TSHZ3: variants seen among roughly 807,000 people sequenced by gnomAD.
The protein encoded by TSHZ3 is teashirt zinc finger homeobox 3.
Under a neutral mutation model 64.5 loss-of-function variants are expected in TSHZ3, and 10 were observed. The observed-to-expected ratio is 0.16, with a 90% CI of 0.10 to 0.26. The LOEUF (loss-of-function observed/expected upper bound fraction) is 0.26, where lower values mean the gene tolerates loss of function less well. TSHZ3 is among the 10% of genes least tolerant of loss of function. The probability of loss-of-function intolerance (pLI) is 1.00; values close to 1 mark genes in which losing one functional copy is unlikely to be tolerated. For missense variants in TSHZ3, 1,242 were observed against 1,421.7 expected (o/e 0.87, Z 2.03); for synonymous variants, 608 against 593.1 (o/e 1.03, Z -0.36).
intron 1 of TSHZ3, among the ~76,000 whole-genome samples, chr19:31,301,073 C>A (rs751195202): frequency 2.0e-4 from 30 of 152,074 alleles, no homozygotes; most frequent in Non-Finnish European, 4.0e-4. Flanking sequence ...TTTTTCATTA[C>A]CATTAGCAAA....
intron 3 of TSHZ3, among the ~76,000 whole-genome samples, chr19:31,241,789 TC>T (rs1023457289): frequency 1.2e-4 from 19 of 152,344 alleles, no homozygotes; most frequent in African/African-American, 4.3e-4. Context: ...CACATGAGCT[TC>T]CCTTCTCTCT....
intron 3 of TSHZ3, among the ~76,000 whole-genome samples, chr19:31,238,731 G>A (rs1157719076): frequency 6.6e-6 from 1 of 152,070 alleles, no homozygotes; most frequent in East Asian, 1.9e-4. Flanking sequence ...CTTATTGTTT[G>A]CATTGCATGT....
intron 5 of TSHZ3, chr19:31,167,552 T>C (rs905769490): frequency 1.3e-5 from 2 of 151,868 alleles, no homozygotes; most frequent in Non-Finnish European, 2.9e-5. Context: ...ACTGCATCTC[T>C]AAAGGGAAGG....
intron 1 of TSHZ3, among the ~76,000 whole-genome samples, chr19:31,290,850 G>A (rs956747696): frequency 2.6e-5 from 4 of 152,128 alleles, no homozygotes; most frequent in African/African-American, 9.7e-5. Context: ...GCAGAAGGCT[G>A]GCCATGGCGG....
At chr19:31,336,657 G>C (rs562273343) in intron 1 of TSHZ3, among the ~76,000 whole-genome samples, 2 of 152,274 alleles carry the variant, frequency 1.3e-5, no homozygotes, top group South Asian at 2.1e-4. Flanking sequence ...CCAGTTCTTC[G>C]GGGTCTGAGA....
chr19:31,268,044 TC>T (rs1216912859), intron 1 of TSHZ3, among the ~76,000 whole-genome samples: 1 of 152,064 alleles, frequency 6.6e-6, no homozygotes, highest in African/African-American at 2.4e-5. Flanking sequence ...TGGGGGTGGG[TC>T]TTTCCCATGC....
At chr19:31,346,176 T>A (rs2145203646) in intron 1 of TSHZ3, among the ~76,000 whole-genome samples, 2 of 152,312 alleles carry the variant, frequency 1.3e-5, no homozygotes, top group South Asian at 4.1e-4. Context: ...GGCCTAGATA[T>A]GAAGACCGTG....
At chr19:31,221,817 C>T (rs536470070) in intron 4 of TSHZ3, among the ~76,000 whole-genome samples, 122 of 152,284 alleles carry the variant, frequency 8.0e-4, no homozygotes, top group African/African-American at 2.8e-3. Context: ...ATCCCTTCAC[C>T]TTACTTTCAA....
At chr19:31,306,971 G>A (rs1323822368) in intron 1 of TSHZ3, among the ~76,000 whole-genome samples, 1 of 151,908 alleles carries the variant, frequency 6.6e-6, no homozygotes, top group Non-Finnish European at 1.5e-5. Context: ...CAGACTTGGA[G>A]TCCTCCTTTC....
chr19:31,261,867 C>T (rs1198455109), intron 1 of TSHZ3, among the ~76,000 whole-genome samples: 3 of 152,170 alleles, frequency 2.0e-5, no homozygotes, highest in East Asian at 1.9e-4. Context: ...CCATCAGTCA[C>T]GGCTGAGTTT....
intron 1 of TSHZ3, among the ~76,000 whole-genome samples, chr19:31,309,205 T>C (rs1916385242): frequency 6.6e-6 from 1 of 152,212 alleles, no homozygotes; most frequent in Non-Finnish European, 1.5e-5. Context: ...GGGGTCCCTA[T>C]GGTCTCTCAG....
intron 1 of TSHZ3, among the ~76,000 whole-genome samples, chr19:31,296,874 C>A (rs1049032760): frequency 1.2e-4 from 19 of 152,190 alleles, no homozygotes; most frequent in Non-Finnish European, 1.5e-4. Flanking sequence ...GGGCCTGGGA[C>A]AGCTCTCCAG....
chr19:31,350,276 C>T (rs1473350321), upstream of TSHZ3, among the ~76,000 whole-genome samples: 1 of 150,848 alleles, frequency 6.6e-6, no homozygotes, highest in South Asian at 2.1e-4. Context: ...GCTCCTCCCC[C>T]AGGACCCGCC....
intron 1 of TSHZ3, among the ~76,000 whole-genome samples, chr19:31,287,525 G>A (rs1023954501): frequency 2.0e-5 from 3 of 151,946 alleles, no homozygotes; most frequent in African/African-American, 4.8e-5. Context: ...GGGCCATCAA[G>A]TCATCCAGGG....
chr19:31,286,485 G>A (rs190299761), intron 1 of TSHZ3, among the ~76,000 whole-genome samples: 102 of 152,326 alleles, frequency 6.7e-4, no homozygotes, highest in African/African-American at 2.2e-3. Flanking sequence ...AATGGTCAAG[G>A]AAGGTGGAAA....
At chr19:31,349,505 TGGAGGAGGAGGA>T, upstream of TSHZ3, 1 of 307,174 alleles carries the variant, frequency 3.3e-6, no homozygotes, top group Non-Finnish European at 5.7e-6. Flanking sequence ...GAGGAGGAGG[TGGAGGAGGAGGA>T]GGAGGACCGC....
chr19:31,298,375 G>C (rs1375811925), intron 1 of TSHZ3, among the ~76,000 whole-genome samples: 1 of 152,144 alleles, frequency 6.6e-6, no homozygotes, highest in African/African-American at 2.4e-5. Context: ...GCACAAGCCA[G>C]ATACTCAGTC....
intron 1 of TSHZ3, among the ~76,000 whole-genome samples, chr19:31,315,034 G>C (rs1461927355): frequency 6.6e-6 from 1 of 152,190 alleles, no homozygotes; most frequent in African/African-American, 2.4e-5. Context: ...TGCCACCAGG[G>C]GTTGCTGCAC....
At position 31,277,628 on chromosome 19, in the gene TSHZ3, A is replaced by G; in HGVS notation, c.2165T>C (p.Leu722Ser). 1 of 1,561,528 alleles carries G rather than the reference A, an allele frequency of 6.4e-7. No individual in the cohort carries two copies. The highest frequency in any genetic ancestry group is 8.7e-7 in the Non-Finnish European group (1 of 1,155,090). ...HPPEQPFVNP[L>S]SALQSVMNIH... The stretch of plus-strand genomic sequence containing the variant: ...GTTCATGACTGACTGCAGGGCGCTC[A>G]AAGGGTTAACAAAAGGCTGTTCAGG... Residue 722 changes from leucine (L) to serine (S), a missense_variant, in exon 2 of 2, where the codon TTG (leucine) becomes TCG (serine). Coordinates refer to ENST00000240587, the MANE Select transcript of TSHZ3 (RefSeq NM_020856.4). This position sits in a 1 kb window ranked among gnomAD's most constrained non-coding sequence, Gnocchi z 4.5.
Sources: gnomAD v4.1 joint callset for allele counts (sites outside exome capture counted in the v4.1 genomes callset) on GRCh38, gnomAD v4.1.1 for gene constraint, Gnocchi (gnomAD v3.1) non-coding constraint, MANE v1.5 for transcripts, NCBI Gene and HGNC (gene_info 2026-07-23, HGNC 2026-07-21) for gene names.